The following OPCML variants were observed in gnomAD, a reference collection of about 807,000 sequenced individuals.
OPCML encodes opioid-binding protein/cell adhesion molecule.
A neutral mutation model predicts 37.8 loss-of-function variants in OPCML; 13 were observed. The ratio of observed to expected loss-of-function variants is 0.34; its 90% CI spans 0.22 to 0.55. The LOEUF is 0.55. Ranked by LOEUF, OPCML falls within the 20% of genes least tolerant of loss-of-function variation. OPCML has a pLI of 0.91. For synonymous variants in OPCML, 176 were observed against 168.8 expected (o/e 1.04, Z -0.33); for missense variants, 341 against 435.6 (o/e 0.78, Z 1.93).
intron 1 of OPCML, among the ~76,000 whole-genome samples, chr11:133,476,388 GT>G (rs1394854057): frequency 8.1e-5 from 3 of 37,040 alleles, no homozygotes; most frequent in African/African-American, 2.5e-4. Flanking sequence ...GTACTCTGTT[GT>G]TAGTTTTTTT....
At chr11:133,250,149 C>T (rs987763407) in intron 1 of OPCML, among the ~76,000 whole-genome samples, 9 of 152,200 alleles carry the variant, frequency 5.9e-5, no homozygotes, top group African/African-American at 2.2e-4. Context: ...TTCAAGCCCC[C>T]CTTGGGGAAT....
chr11:132,690,383 A>G (rs1333612186), intron 2 of OPCML, among the ~76,000 whole-genome samples: 1 of 152,234 alleles, frequency 6.6e-6, no homozygotes, highest in Non-Finnish European at 1.5e-5. Flanking sequence ...ACAAGATTAG[A>G]TAATGCTTAT....
chr11:133,384,247 C>CA (rs1186998875), intron 1 of OPCML, among the ~76,000 whole-genome samples: 6,344 of 71,074 alleles, frequency 0.089, 313 homozygotes, highest in Admixed American at 0.16. Context: ...GGCCACTGTG[C>CA]AAAAAAAAAA....
rs1259416301 is a variant in OPCML at position 132,722,199 on chromosome 11, C to T, written c.147-64880G>A. ...CTTGATCTCCTGACCTCATGATCCACCTGCCTCAGCCTCCCAAAGTGCTGG... is the reference window on the plus strand; with the variant it reads ...CTTGATCTCCTGACCTCATGATCCATCTGCCTCAGCCTCCCAAAGTGCTGG... On this transcript the variant is annotated intron_variant, in intron 2 of 7. Transcript: ENST00000524381. Among the ~76,000 whole-genome samples, 2 of 151,706 alleles carry T rather than the reference C, an allele frequency of 1.3e-5. 1 individual carries two copies. Among genetic ancestry groups the T allele is most frequent in the East Asian group, 3.9e-4 (2 of 5,154 alleles).
intron 2 of OPCML, among the ~76,000 whole-genome samples, chr11:132,714,435 C>T (rs116061611): frequency 3.7e-4 from 56 of 152,258 alleles, no homozygotes; most frequent in African/African-American, 1.3e-3. Context: ...CTTAAAACCC[C>T]AGAAGATGCT....
chr11:133,026,093 G>A, intron 1 of OPCML: 1 of 984,904 alleles, frequency 1.0e-6, no homozygotes, highest in Non-Finnish European at 1.2e-6. Context: ...AGAAGTTTGG[G>A]CATATGTGTT....
intron 1 of OPCML, among the ~76,000 whole-genome samples, chr11:133,051,058 T>TACACAC (rs113538759): frequency 0.011 from 1,563 of 148,080 alleles, 21 homozygotes; most frequent in African/African-American, 0.026. Context: ...TGTGTGTACA[T>TACACAC]ACACACACAC....
chr11:132,424,897 G>C (rs2095972986), intron 7 of OPCML, among the ~76,000 whole-genome samples: 1 of 152,156 alleles, frequency 6.6e-6, no homozygotes, highest in Admixed American at 6.5e-5. Flanking sequence ...TTGAACCTGG[G>C]GTGAGGTATT....
intron 1 of OPCML, among the ~76,000 whole-genome samples, chr11:133,057,075 C>T (rs1317645590): frequency 6.6e-6 from 1 of 152,162 alleles, no homozygotes; most frequent in East Asian, 1.9e-4. Flanking sequence ...AACTCCCGAC[C>T]TCAGGTTATC....
intron 3 of OPCML, among the ~76,000 whole-genome samples, chr11:132,598,060 G>A (rs529312016): frequency 6.6e-6 from 1 of 151,840 alleles, no homozygotes; most frequent in Admixed American, 6.6e-5. Context: ...TCCATTCATA[G>A]TTCCGTTCTT....
At chr11:133,532,115 A>T in intron 1 of OPCML, 149 bp downstream of exon 1, 1 of 1,318,846 alleles carries the variant, frequency 7.6e-7, no homozygotes, top group Non-Finnish European at 1.0e-6. Flanking sequence ...GTGCGTGCAC[A>T]CAGCAAGCCT....
chr11:132,519,493 G>C (rs2096287487), intron 4 of OPCML, among the ~76,000 whole-genome samples: 1 of 152,034 alleles, frequency 6.6e-6, no homozygotes, highest in Admixed American at 6.6e-5. Context: ...CACCCAAAAG[G>C]AGCATAAATG....
At chr11:132,977,111 T>C (rs896764776) in intron 1 of OPCML, among the ~76,000 whole-genome samples, 1 of 152,240 alleles carries the variant, frequency 6.6e-6, no homozygotes, top group African/African-American at 2.4e-5. Flanking sequence ...TCATCATCTC[T>C]TTTCAATGTC....
intron 2 of OPCML, among the ~76,000 whole-genome samples, chr11:132,728,330 G>A (rs1944958451): frequency 6.6e-6 from 1 of 152,248 alleles, no homozygotes; most frequent in African/African-American, 2.4e-5. Context: ...TCTTTCAAGC[G>A]GAGTCATGTC....
chr11:132,821,736 T>C (rs1939998399), intron 2 of OPCML, among the ~76,000 whole-genome samples: 1 of 152,064 alleles, frequency 6.6e-6, no homozygotes, highest in African/African-American at 2.4e-5. Context: ...CAAGGTATCT[T>C]CCCCCCTCTT....
intron 3 of OPCML, among the ~76,000 whole-genome samples, chr11:132,532,690 A>G (rs1265718819): frequency 6.6e-6 from 1 of 152,092 alleles, no homozygotes; most frequent in Non-Finnish European, 1.5e-5. Flanking sequence ...ATGCCTTCCC[A>G]GAGCATCTCC....
intron 2 of OPCML, among the ~76,000 whole-genome samples, chr11:132,719,206 A>G (rs1353314790): frequency 6.6e-6 from 1 of 152,242 alleles, no homozygotes; most frequent in Non-Finnish European, 1.5e-5. Context: ...CAGTCAGGAC[A>G]GGTGGCCTTC....
intron 1 of OPCML, among the ~76,000 whole-genome samples, chr11:132,950,011 G>T (rs1023081081): frequency 6.6e-6 from 1 of 152,160 alleles, no homozygotes; most frequent in Admixed American, 6.5e-5. Flanking sequence ...GGTTGGAGCT[G>T]AGCAAACAAA....
At chr11:132,802,374 G>A (rs1321118479) in intron 2 of OPCML, among the ~76,000 whole-genome samples, 1 of 152,068 alleles carries the variant, frequency 6.6e-6, no homozygotes, top group Non-Finnish European at 1.5e-5. Context: ...TGGTTACTCG[G>A]CCCTTGCTTG....
Sources: allele counts gnomAD v4.1 joint callset (sites outside exome capture counted in the v4.1 genomes callset), GRCh38; gene constraint gnomAD v4.1.1; transcripts MANE v1.5; gene names NCBI Gene and HGNC (gene_info 2026-07-23, HGNC 2026-07-21).